MAP4K3: variants seen among roughly 807,000 people sequenced by gnomAD.
MAP4K3 encodes the protein MAPK/ERK kinase kinase kinase 3.
MAP4K3 carries 94 observed loss-of-function variants against 143.5 expected under a neutral mutation model. The observed-to-expected ratio is 0.65, with a 90% CI of 0.55 to 0.78. MAP4K3 has a LOEUF of 0.78. MAP4K3 is among the 30% of genes least tolerant of loss of function. MAP4K3 has a pLI of 0.00. For synonymous variants in MAP4K3, 416 were observed against 347.2 expected (o/e 1.20, Z -2.20); for missense variants, 1,077 against 1,068.1 (o/e 1.01, Z -0.12).
At chr2:39,285,866 T>C (rs1012219932) in intron 21 of MAP4K3, among the ~76,000 whole-genome samples, 1 of 152,248 alleles carries the variant, frequency 6.6e-6, no homozygotes, top group Non-Finnish European at 1.5e-5. Flanking sequence ...GATAGTTGAA[T>C]GTCTTCCAGT....
intron 15 of MAP4K3, among the ~76,000 whole-genome samples, chr2:39,302,617 T>C (rs1268130524): frequency 2.0e-5 from 3 of 152,194 alleles, no homozygotes; most frequent in Non-Finnish European, 4.4e-5. Context: ...AAATAATGCT[T>C]GGAAAGGCGC....
intron 1 of MAP4K3, among the ~76,000 whole-genome samples, chr2:39,413,541 G>C (rs1319013005): frequency 1.3e-5 from 2 of 152,126 alleles, no homozygotes; most frequent in Non-Finnish European, 2.9e-5. Flanking sequence ...GTCACATCCA[G>C]TCACTACAAT....
At chr2:39,274,032 C>T (rs557728776) in intron 24 of MAP4K3, among the ~76,000 whole-genome samples, 6 of 152,180 alleles carry the variant, frequency 3.9e-5, no homozygotes, top group East Asian at 3.9e-4. Flanking sequence ...GATACTACAT[C>T]GATGGTTTAC....
chr2:39,369,436 T>G (rs1422733958), intron 2 of MAP4K3, among the ~76,000 whole-genome samples: 1 of 152,206 alleles, frequency 6.6e-6, no homozygotes, highest in Non-Finnish European at 1.5e-5. Context: ...CGTGAGCTAC[T>G]GGGCCTGGCT....
chr2:39,251,274 C>T (rs564755604), intron 33 of MAP4K3, among the ~76,000 whole-genome samples: 1 of 152,308 alleles, frequency 6.6e-6, no homozygotes, highest in African/African-American at 2.4e-5. Flanking sequence ...AGCAGTCCTG[C>T]CCGCATGATC....
chr2:39,423,906 A>G (rs1362387105), intron 1 of MAP4K3, among the ~76,000 whole-genome samples: 1 of 152,224 alleles, frequency 6.6e-6, no homozygotes, highest in Non-Finnish European at 1.5e-5. Context: ...GTAAACTATG[A>G]ACTTTAATTA....
intron 12 of MAP4K3, among the ~76,000 whole-genome samples, chr2:39,321,355 G>C (rs1683294312): frequency 6.6e-6 from 1 of 152,164 alleles, no homozygotes; most frequent in Admixed American, 6.5e-5. Flanking sequence ...ATTAAGGGTT[G>C]TGCAAGATGT....
At chr2:39,260,146 T>C (rs1220322258) in intron 29 of MAP4K3, among the ~76,000 whole-genome samples, 1 of 152,182 alleles carries the variant, frequency 6.6e-6, no homozygotes, top group African/African-American at 2.4e-5. Flanking sequence ...CAGGATCTCA[T>C]TCTGTCACCC....
intron 16 of MAP4K3, among the ~76,000 whole-genome samples, chr2:39,295,088 T>C (rs1482086758): frequency 6.6e-6 from 1 of 151,834 alleles, no homozygotes; most frequent in Non-Finnish European, 1.5e-5. Context: ...TATTATTTTG[T>C]CTCATAAAAA....
At chr2:39,348,831 T>C (rs1175659758) in intron 3 of MAP4K3, among the ~76,000 whole-genome samples, 1 of 152,190 alleles carries the variant, frequency 6.6e-6, no homozygotes, top group Non-Finnish European at 1.5e-5. Context: ...ATAGCTATTT[T>C]ATGGTTCTGA....
At chr2:39,339,641 C>A (rs766248818) in intron 4 of MAP4K3, among the ~76,000 whole-genome samples, 38 of 152,092 alleles carry the variant, frequency 2.5e-4, no homozygotes, top group Non-Finnish European at 3.8e-4. Context: ...AGGGCTACAT[C>A]CTCATTAAAG....
chr2:39,414,770 G>C (rs1242507109), intron 1 of MAP4K3, among the ~76,000 whole-genome samples: 4 of 152,060 alleles, frequency 2.6e-5, no homozygotes, highest in Non-Finnish European at 5.9e-5. Context: ...AGCTACTCGG[G>C]GGGTGCTGGG....
At chr2:39,400,314 T>A (rs6712274) in intron 1 of MAP4K3, among the ~76,000 whole-genome samples, 134,310 of 152,242 alleles carry the variant, frequency 0.88, 59,511 homozygotes, top group Non-Finnish European at 0.92. Flanking sequence ...TCTACCATCC[T>A]TGCATCGAAG....
At chr2:39,256,367 T>C (rs932954472) in intron 31 of MAP4K3, among the ~76,000 whole-genome samples, 10 of 152,212 alleles carry the variant, frequency 6.6e-5, no homozygotes, top group African/African-American at 2.4e-4. Context: ...TGGGAATTAA[T>C]TTGATCATTA....
chr2:39,365,257 G>A (rs1322453393), intron 2 of MAP4K3, among the ~76,000 whole-genome samples: 1 of 152,062 alleles, frequency 6.6e-6, no homozygotes, highest in Non-Finnish European at 1.5e-5. Context: ...GGTCAGCTGA[G>A]CTTGAATTCC....
At position 39,326,908 on chromosome 2, in the gene MAP4K3, T is replaced by G. The variant is rs141889397; in HGVS notation, c.531-631A>C. 6.4e-3 allele frequency among the ~76,000 whole-genome samples: 973 copies of G among 152,284 alleles called. 11 individuals are homozygous for G. The highest frequency in any genetic ancestry group is 0.022 in the African/African-American group (933 of 41,562). On this transcript the variant is annotated intron_variant, in intron 8 of 33. Coordinates refer to ENST00000263881, the MANE Select transcript of MAP4K3 (RefSeq NM_003618.4). ...CCTTACTCCATGATTGTAAGTTTTC[T>G]GAGGCCTCCCCAGCCATGCAATACA...
Position 39,378,606 on chromosome 2 carries a change from A to AC in MAP4K3, c.97-484dup, listed in dbSNP as rs139964250. 5.0e-4 allele frequency among the ~76,000 whole-genome samples: 76 copies of AC among 152,268 alleles called. No individual in the cohort carries two copies. In the East Asian group the frequency reaches 0.014, roughly 29 times the overall value. ...TGCTATTCATTCAAAGGCTAGTTGA[A>AC]CTAATTAACTAGCCTTATATTTTTT... On this transcript the variant is annotated intron_variant, in intron 1 of 33. Transcript: ENST00000263881.
chr2:39,429,089 AG>A (rs1665199673), intron 1 of MAP4K3, among the ~76,000 whole-genome samples: 2 of 149,850 alleles, frequency 1.3e-5, no homozygotes, highest in Non-Finnish European at 3.0e-5. Flanking sequence ...AAAAAAAAAA[AG>A]GAGTCCATAT....
chr2:39,313,778 T>C (rs975380135), intron 13 of MAP4K3, among the ~76,000 whole-genome samples: 1 of 150,852 alleles, frequency 6.6e-6, no homozygotes, highest in Non-Finnish European at 1.5e-5. Flanking sequence ...CTCCCAAAAG[T>C]ACTGGGATTA....
Sources: gnomAD v4.1 joint callset for allele counts (sites outside exome capture counted in the v4.1 genomes callset) on GRCh38, gnomAD v4.1.1 for gene constraint, MANE v1.5 for transcripts, NCBI Gene and HGNC (gene_info 2026-07-23, HGNC 2026-07-21) for gene names.